The following TXNDC16 variants were observed in gnomAD, a reference collection of about 807,000 sequenced individuals.
TXNDC16 encodes thioredoxin domain-containing protein 16.
A neutral mutation model predicts 85.6 loss-of-function variants in TXNDC16; 74 were observed. The ratio of observed to expected loss-of-function variants is 0.86; its 90% CI spans 0.72 to 1.05. TXNDC16 has a LOEUF of 1.05. Among genes scored for constraint, TXNDC16 ranks in the 50% least tolerant of loss-of-function variants. The pLI is 0.00. For missense variants in TXNDC16, 959 were observed against 947.0 expected (o/e 1.01, Z -0.17); for synonymous variants, 335 against 326.5 (o/e 1.03, Z -0.28).
chr14:52,471,967 A>C (rs866957424), intron 14 of TXNDC16, among the ~76,000 whole-genome samples: 1 of 149,830 alleles, frequency 6.7e-6, no homozygotes, highest in African/African-American at 2.5e-5. Context: ...AGATCAAAGA[A>C]GGAATCTTTG....
At chr14:52,492,588 C>T (rs184001538) in intron 9 of TXNDC16, among the ~76,000 whole-genome samples, 18 of 152,278 alleles carry the variant, frequency 1.2e-4, no homozygotes, top group Admixed American at 1.0e-3. Flanking sequence ...CCTCTTTTGC[C>T]GCCACCCAGC....
chr14:52,435,546 G>T (rs1332569312), intron 20 of TXNDC16, among the ~76,000 whole-genome samples: 1 of 151,984 alleles, frequency 6.6e-6, no homozygotes, highest in Non-Finnish European at 1.5e-5. Flanking sequence ...ACAAAATATT[G>T]AATTTAATTA....
At chr14:52,526,407 T>C (rs539478770) in intron 6 of TXNDC16, among the ~76,000 whole-genome samples, 1 of 152,288 alleles carries the variant, frequency 6.6e-6, no homozygotes, top group Admixed American at 6.5e-5. Flanking sequence ...GTAATATATA[T>C]GCCACATACA....
At chr14:52,489,056 G>T (rs1378367213) in intron 11 of TXNDC16, among the ~76,000 whole-genome samples, 1 of 152,094 alleles carries the variant, frequency 6.6e-6, no homozygotes, top group African/African-American at 2.4e-5. Context: ...TTATACTGAA[G>T]TCTGTAAAGC....
rs753056006 is a variant in TXNDC16, at chr14:52,536,765, T to G, written c.346A>C (p.Thr116Pro). The change falls in exon 6 of 21, where the codon ACT (threonine) becomes CCT (proline). Residue 116 changes from threonine to proline, a missense_variant. Transcript: ENST00000281741. ...GCATTCACATCAAACAAGGTGTCAG[T>G]AGGGAATTCTCTGAGCAATATGTTG... is the stretch of plus-strand genomic sequence containing the variant. ...KGNILLREFPTDTLFDVNAIV... is the reference protein window; with the variant it reads ...KGNILLREFPPDTLFDVNAIV... 6.2e-7 allele frequency: 1 copy of G among 1,611,874 alleles called. No individual in the cohort carries two copies. The highest frequency in any genetic ancestry group is 1.3e-5 in the African/African-American group (1 of 74,988).
rs562292320 is a variant in TXNDC16 at position 52,495,643 on chromosome 14, A to G, written c.757-4638T>C. On this transcript the variant is annotated intron_variant, in intron 9 of 20. Transcript: ENST00000281741. Reference sequence around the variant, plus strand: ...TGAACCTCTTTTGCATGTGGGAGGGATTACTGCAGCGGTAGTCTGCCCCCT... The same window carrying G: ...TGAACCTCTTTTGCATGTGGGAGGGGTTACTGCAGCGGTAGTCTGCCCCCT... 5.9e-5 allele frequency among the ~76,000 whole-genome samples: 9 copies of G among 152,154 alleles called. No individual in the cohort carries two copies. In the South Asian group the frequency reaches 1.9e-3, roughly 32 times the overall value.
At chr14:52,517,866 C>T (rs964834840) in intron 7 of TXNDC16, among the ~76,000 whole-genome samples, 4 of 152,158 alleles carry the variant, frequency 2.6e-5, no homozygotes, top group African/African-American at 4.8e-5. Flanking sequence ...AACAAGTCTC[C>T]GTGTTCGGCC....
chr14:52,462,320 T>C (rs2035670987), intron 16 of TXNDC16, among the ~76,000 whole-genome samples: 2 of 152,226 alleles, frequency 1.3e-5, no homozygotes, highest in Admixed American at 1.3e-4. Flanking sequence ...CTCAGCTTCC[T>C]GAGTAGCTGG....
Position 52,514,972 on chromosome 14 carries a change from TGAA to T in TXNDC16, c.515-5_515-3del, listed in dbSNP as rs774803450. Reference sequence around the variant, plus strand: ...CGGCTTCCATGACTGCTCTGTGCTCTGAAGAAGAGATAAAGGGAGTTGGAAGAC... The same window carrying T: ...CGGCTTCCATGACTGCTCTGTGCTCTGAAGAGATAAAGGGAGTTGGAAGAC... On this transcript the variant is annotated splice_region_variant and splice_polypyrimidine_tract_variant and intron_variant, in intron 7 of 20. Coordinates refer to ENST00000281741, the MANE Select transcript of TXNDC16 (RefSeq NM_020784.3). 1.9e-6 allele frequency: 3 copies of T among 1,608,150 alleles called. No individual in the cohort carries two copies. Among genetic ancestry groups the T allele is most frequent in the South Asian group, 1.1e-5 (1 of 89,916 alleles).
chr14:52,516,590 T>C (rs2037087879), intron 7 of TXNDC16, among the ~76,000 whole-genome samples: 2 of 152,242 alleles, frequency 1.3e-5, no homozygotes, highest in South Asian at 4.1e-4. Flanking sequence ...TATTCCACTA[T>C]GCTGGGACTC....
intron 7 of TXNDC16, among the ~76,000 whole-genome samples, chr14:52,516,376 T>A (rs142496387): frequency 2.8e-4 from 43 of 152,328 alleles, no homozygotes; most frequent in African/African-American, 1.0e-3. Context: ...TAGGTTCTAG[T>A]CATTTCCCAT....
rs118190916 is a variant in TXNDC16 at position 52,479,580 on chromosome 14, A to T, written c.1312+2650T>A. On this transcript the variant is annotated intron_variant, in intron 14 of 20. Transcript: ENST00000281741. Reference sequence around the variant, plus strand: ...CTTTTACAATAGCTGCAAAAAAAAAAAATAATAAAAATACTTAGGAATATA... The same window carrying T: ...CTTTTACAATAGCTGCAAAAAAAAATAATAATAAAAATACTTAGGAATATA... Among the ~76,000 whole-genome samples the T allele has an allele frequency of 4.3e-3, 650 of 152,172 alleles. 15 individuals are homozygous for T. The highest frequency in any genetic ancestry group is 0.031 in the Admixed American group (473 of 15,266).
intron 4 of TXNDC16, among the ~76,000 whole-genome samples, chr14:52,540,978 G>T (rs1157072287): frequency 2.0e-5 from 3 of 152,140 alleles, no homozygotes; most frequent in Non-Finnish European, 4.4e-5. Context: ...GCTCATGCCT[G>T]TAATCCCAGA....
intron 4 of TXNDC16, among the ~76,000 whole-genome samples, chr14:52,538,548 C>A (rs926708511): frequency 2.0e-5 from 3 of 151,900 alleles, no homozygotes; most frequent in Non-Finnish European, 4.4e-5. Context: ...CCAAAAAGGA[C>A]AGAAGACATA....
intron 14 of TXNDC16, among the ~76,000 whole-genome samples, chr14:52,475,672 C>T (rs901904790): frequency 6.6e-6 from 1 of 152,102 alleles, no homozygotes; most frequent in Admixed American, 6.5e-5. Context: ...CAAGACCTGC[C>T]CAAGTAGAAT....
rs762705067 is a variant in TXNDC16 at position 52,432,517 on chromosome 14, T to C, written c.2265A>G (p.Ala755=). ...CTTTCCTAGTGCCACGTTGAGATGTTGCGGCATCTATCATACTTAGAAAAT... is the reference window on the plus strand; with the variant it reads ...CTTTCCTAGTGCCACGTTGAGATGTCGCGGCATCTATCATACTTAGAAAAT... The part of the protein sequence containing the change: ...AYDFLSMIDA[A]TSQRGTRKVP... Residue 755 remains alanine, a synonymous_variant, in exon 21 of 21, where the codon GCA becomes GCG. Transcript: ENST00000281741. The C allele has an allele frequency of 2.5e-6, 4 of 1,614,002 alleles. No homozygotes were observed. In the South Asian group the frequency reaches 3.3e-5, roughly 13 times the overall value.
chr14:52,512,896 A>G (rs989052056), intron 8 of TXNDC16, among the ~76,000 whole-genome samples: 2 of 152,082 alleles, frequency 1.3e-5, no homozygotes, highest in Non-Finnish European at 2.9e-5. Flanking sequence ...AACAGCTACC[A>G]TGTTGTATAA....
rs537628990 is a variant in TXNDC16, at chr14:52,550,481, C to T, written c.-182+1835G>A. Among the ~76,000 whole-genome samples, 12 of 152,276 alleles carry T rather than the reference C, an allele frequency of 7.9e-5. No individual in the cohort carries two copies. The South Asian group carries it at 2.3e-3, about 29-fold the overall frequency. ...AAGCAGTTGGGAGGAAAATCCTCTA[C>T]CTGCACCCTCACCGCCCACCTCTAA... On this transcript the variant is annotated intron_variant, in intron 1 of 20. Coordinates refer to ENST00000281741, the MANE Select transcript of TXNDC16 (RefSeq NM_020784.3).
At chr14:52,443,540 C>A (rs2035211874) in intron 18 of TXNDC16, among the ~76,000 whole-genome samples, 2 of 152,112 alleles carry the variant, frequency 1.3e-5, no homozygotes, top group Non-Finnish European at 2.9e-5. Flanking sequence ...GAGGTGTGTG[C>A]TTGAGCAGGG....
Sources: allele counts gnomAD v4.1 joint callset (sites outside exome capture counted in the v4.1 genomes callset), GRCh38; gene constraint gnomAD v4.1.1; transcripts MANE v1.5; gene names NCBI Gene and HGNC (gene_info 2026-07-23, HGNC 2026-07-21).